OR9Q1: variants seen among roughly 807,000 people sequenced by gnomAD.
OR9Q1 encodes the protein olfactory receptor 9Q1.
For synonymous variants in OR9Q1, 153 were observed against 148.6 expected (o/e 1.03, Z -0.22); for missense variants, 374 against 378.8 (o/e 0.99, Z 0.11).
At position 58,066,165 on chromosome 11, in the gene OR9Q1, A is replaced by G. The variant is rs867678519; in HGVS notation, c.-15+10218A>G. ...GGATTAAAAAGCATGACCCACTGTC[A>G]GCATAGTGGCTGCTCCGGAGGCTGC... On this transcript the variant is annotated intron_variant, in intron 2 of 2. Transcript: ENST00000335397. 3.4e-5 allele frequency among the ~76,000 whole-genome samples: 5 copies of G among 148,012 alleles called. No individual in the cohort carries two copies. In the Middle Eastern group the frequency reaches 0.01, roughly 304 times the overall value.
chr11:58,109,329 C>CAGCAGG, intron 2 of OR9Q1: 1 of 460,786 alleles, frequency 2.2e-6, no homozygotes, highest in Non-Finnish European at 4.4e-6. Context: ...GCAGGTAACA[C>CAGCAGG]TCTGTGCCTG....
At chr11:58,036,213 A>G (rs1021459286) in intron 1 of OR9Q1, among the ~76,000 whole-genome samples, 3 of 152,142 alleles carry the variant, frequency 2.0e-5, no homozygotes, top group Non-Finnish European at 2.9e-5. Flanking sequence ...GTGTGTTCCG[A>G]CTGCTTCACT....
At chr11:58,081,669 G>GT (rs1554967062) in intron 2 of OR9Q1, among the ~76,000 whole-genome samples, 3 of 151,408 alleles carry the variant, frequency 2.0e-5, no homozygotes, top group African/African-American at 4.9e-5. Flanking sequence ...GGGGTTGTTT[G>GT]TTTTTTTCTT....
intron 2 of OR9Q1, among the ~76,000 whole-genome samples, chr11:58,120,802 C>CTATATATATATA (rs1216448405): frequency 2.7e-5 from 2 of 72,950 alleles, no homozygotes; most frequent in Non-Finnish European, 5.2e-5. Flanking sequence ...TATTTCAATA[C>CTATATATATATA]CATATATATA....
At position 58,046,718 on chromosome 11, in the gene OR9Q1, C is replaced by T. The variant is rs565416176; in HGVS notation, c.-92-9152C>T. On this transcript the variant is annotated intron_variant, in intron 1 of 2. Coordinates refer to ENST00000335397, the MANE Select transcript of OR9Q1 (RefSeq NM_001005212.4). ...CTCTACTAAAAATACAAAAAGTTAG[C>T]TGGGCGTGGTAGTGGGTGCATGTAA... is the stretch of plus-strand genomic sequence containing the variant. 8.2e-4 allele frequency among the ~76,000 whole-genome samples: 125 copies of T among 152,162 alleles called. 1 individual carries two copies. Among genetic ancestry groups the T allele is most frequent in the African/African-American group, 2.7e-3 (112 of 41,502 alleles).
intron 2 of OR9Q1, among the ~76,000 whole-genome samples, chr11:58,071,161 A>G (rs1032338059): frequency 9.2e-5 from 14 of 152,326 alleles, no homozygotes; most frequent in African/African-American, 3.1e-4. Flanking sequence ...AATGGGCTGC[A>G]TATGTATTTC....
intron 2 of OR9Q1, among the ~76,000 whole-genome samples, chr11:58,151,763 C>T (rs971683482): frequency 2.0e-5 from 3 of 148,440 alleles, no homozygotes; most frequent in East Asian, 2.0e-4. Context: ...TCTTAGTTTT[C>T]GGCCCCCAGA....
intron 1 of OR9Q1, among the ~76,000 whole-genome samples, chr11:58,034,694 G>A (rs1449501949): frequency 6.7e-6 from 1 of 149,702 alleles, no homozygotes; most frequent in East Asian, 2.0e-4. Flanking sequence ...GGTGAAGATA[G>A]AGCATGGAGG....
intron 2 of OR9Q1, among the ~76,000 whole-genome samples, chr11:58,145,625 A>G (rs1854293105): frequency 6.6e-6 from 1 of 152,208 alleles, no homozygotes; most frequent in African/African-American, 2.4e-5. Flanking sequence ...ATCAGTAAAA[A>G]TTTCTGCTTT....
intron 2 of OR9Q1, among the ~76,000 whole-genome samples, chr11:58,103,828 T>C (rs1483010675): frequency 2.0e-5 from 3 of 152,092 alleles, no homozygotes; most frequent in Admixed American, 2.0e-4. Context: ...GTAAGCACAG[T>C]AGTGTGTTTT....
At chr11:58,076,487 T>C (rs1420513838) in intron 2 of OR9Q1, among the ~76,000 whole-genome samples, 1 of 152,192 alleles carries the variant, frequency 6.6e-6, no homozygotes, top group Non-Finnish European at 1.5e-5. Context: ...GCCACATCTC[T>C]CACAACAAGG....
intron 2 of OR9Q1, among the ~76,000 whole-genome samples, chr11:58,148,751 C>G (rs1335027506): frequency 6.6e-6 from 1 of 152,160 alleles, no homozygotes; most frequent in Non-Finnish European, 1.5e-5. Context: ...TAAATTTTCT[C>G]CTGAATCTTA....
At chr11:58,113,708 T>G (rs1369461541) in intron 2 of OR9Q1, among the ~76,000 whole-genome samples, 2 of 152,196 alleles carry the variant, frequency 1.3e-5, no homozygotes, top group South Asian at 2.1e-4. Flanking sequence ...TATTTGTTCC[T>G]GATTATAGCC....
chr11:58,141,518 C>A (rs1402170572), intron 2 of OR9Q1, among the ~76,000 whole-genome samples: 2 of 152,048 alleles, frequency 1.3e-5, no homozygotes, highest in African/African-American at 4.8e-5. Flanking sequence ...TGCTGGATTA[C>A]GTTTATTGAT....
chr11:58,107,792 T>A (rs2120100801), intron 2 of OR9Q1, among the ~76,000 whole-genome samples: 1 of 152,284 alleles, frequency 6.6e-6, no homozygotes, highest in South Asian at 2.1e-4. Flanking sequence ...TAGTTTTCAG[T>A]GTACCAGAAG....
chr11:58,037,929 T>A (rs1242700484), intron 1 of OR9Q1, among the ~76,000 whole-genome samples: 19 of 147,070 alleles, frequency 1.3e-4, no homozygotes, highest in Non-Finnish European at 2.4e-4. Flanking sequence ...GACGGGGTTT[T>A]ACCATGTTAG....
At chr11:58,105,732 T>C (rs187228598) in intron 2 of OR9Q1, among the ~76,000 whole-genome samples, 6 of 152,320 alleles carry the variant, frequency 3.9e-5, no homozygotes, top group Non-Finnish European at 1.5e-5. Context: ...ATACAGTATT[T>C]TCTGTCTGTG....
At chr11:58,110,919 A>T (rs1156451341) in intron 2 of OR9Q1, among the ~76,000 whole-genome samples, 3 of 152,048 alleles carry the variant, frequency 2.0e-5, no homozygotes, top group African/African-American at 7.2e-5. Context: ...TGCAAGACTC[A>T]CTGGGAGGCT....
intron 2 of OR9Q1, among the ~76,000 whole-genome samples, chr11:58,149,838 C>A (rs1023710810): frequency 2.0e-5 from 3 of 152,070 alleles, no homozygotes; most frequent in Non-Finnish European, 4.4e-5. Flanking sequence ...ATGGATATGC[C>A]ATATTTTGTT....
Sources: gnomAD v4.1 joint callset for allele counts (sites outside exome capture counted in the v4.1 genomes callset) on GRCh38, gnomAD v4.1.1 for gene constraint, MANE v1.5 for transcripts, NCBI Gene and HGNC (gene_info 2026-07-23, HGNC 2026-07-21) for gene names.